RAPGEF5: variants seen among roughly 807,000 people sequenced by gnomAD.
The protein encoded by RAPGEF5 is Rap guanine nucleotide exchange factor 5.
A neutral mutation model predicts 125.2 loss-of-function variants in RAPGEF5; 65 were observed. The ratio of observed to expected loss-of-function variants is 0.52; its 90% CI spans 0.43 to 0.64. The LOEUF is 0.64. Ranked by LOEUF, RAPGEF5 falls within the 30% of genes least tolerant of loss-of-function variation. The pLI, the probability that RAPGEF5 is intolerant of heterozygous loss-of-function variation, is 0.00. For synonymous variants in RAPGEF5, 391 were observed against 385.9 expected (o/e 1.01, Z -0.16); for missense variants, 958 against 1,048.1 (o/e 0.91, Z 1.19).
intron 6 of RAPGEF5, among the ~76,000 whole-genome samples, chr7:22,267,860 T>C (rs1782321444): frequency 1.3e-5 from 2 of 151,934 alleles, no homozygotes; most frequent in Admixed American, 1.3e-4. Context: ...GAACTGGTGA[T>C]GATGGGTTTT....
chr7:22,315,528 G>T (rs1373270853), intron 2 of RAPGEF5, 52 bp from the exon 3 acceptor site: 1 of 1,229,306 alleles, frequency 8.1e-7, no homozygotes, highest in East Asian at 3.5e-5. Flanking sequence ...GTGACAATTT[G>T]TGAACTACCA....
intron 5 of RAPGEF5, among the ~76,000 whole-genome samples, chr7:22,297,384 G>A (rs1230709285): frequency 6.6e-6 from 1 of 152,138 alleles, no homozygotes; most frequent in Non-Finnish European, 1.5e-5. Context: ...TAAAACATGA[G>A]AAAGATAGTT....
chr7:22,169,695 TAAA>T (rs34238182), intron 11 of RAPGEF5, among the ~76,000 whole-genome samples: 3,397 of 127,088 alleles, frequency 0.027, 62 homozygotes, highest in Non-Finnish European at 0.04. Context: ...TCTCTACTGT[TAAA>T]AAAAAAAAAA....
At chr7:22,199,984 C>T (rs575620477) in intron 9 of RAPGEF5, among the ~76,000 whole-genome samples, 1 of 152,306 alleles carries the variant, frequency 6.6e-6, no homozygotes, top group South Asian at 2.1e-4. Flanking sequence ...CTTTCCAACA[C>T]AAAGATTCTA....
rs77685165 is a variant in RAPGEF5 at position 22,128,059 on chromosome 7, T to C, written c.2482-2401A>G. ...TCTCATTTTAAGCTCTGGCGTCACA[T>C]TGATTTCTATCATATGCCATTTGCG... On this transcript the variant is annotated intron_variant, in intron 24 of 25. Coordinates refer to ENST00000665637, the MANE Select transcript of RAPGEF5 (RefSeq NM_012294.5). Among the ~76,000 whole-genome samples the C allele has an allele frequency of 3.4e-3, 515 of 152,310 alleles. 5 individuals are homozygous for C. The highest frequency in any genetic ancestry group is 0.011 in the African/African-American group (457 of 41,572).
chr7:22,176,961 C>A (rs990768074), intron 11 of RAPGEF5, among the ~76,000 whole-genome samples: 16 of 152,158 alleles, frequency 1.1e-4, no homozygotes, highest in Non-Finnish European at 8.8e-5. Context: ...CAACCAGTGG[C>A]TGACAGGAGA....
chr7:22,186,156 C>T (rs549237236), intron 11 of RAPGEF5, among the ~76,000 whole-genome samples: 1 of 152,236 alleles, frequency 6.6e-6, no homozygotes, highest in East Asian at 1.9e-4. Context: ...CAGCCCAGTC[C>T]AGTTACTTGC....
chr7:22,307,590 C>G (rs999892016), intron 5 of RAPGEF5, among the ~76,000 whole-genome samples: 7 of 152,098 alleles, frequency 4.6e-5, no homozygotes, highest in Non-Finnish European at 8.8e-5. Context: ...AAGAGTTACC[C>G]TTGTTATGGT....
intron 1 of RAPGEF5, among the ~76,000 whole-genome samples, chr7:22,355,330 T>C (rs1167594397): frequency 6.6e-6 from 1 of 152,202 alleles, no homozygotes; most frequent in Non-Finnish European, 1.5e-5. Flanking sequence ...GATCTATTTA[T>C]ACAGAAACCC....
intron 23 of RAPGEF5, among the ~76,000 whole-genome samples, chr7:22,132,889 T>C (rs1481662782): frequency 6.6e-6 from 1 of 152,206 alleles, no homozygotes; most frequent in Non-Finnish European, 1.5e-5. Flanking sequence ...AGGACGTCTA[T>C]GGCTAACCCA....
intron 9 of RAPGEF5, among the ~76,000 whole-genome samples, chr7:22,213,240 G>C (rs1785551515): frequency 6.6e-6 from 1 of 152,184 alleles, no homozygotes; most frequent in African/African-American, 2.4e-5. Flanking sequence ...CAGACAGCAG[G>C]AGCACACCAC....
At chr7:22,264,980 T>C (rs905639098) in intron 7 of RAPGEF5, among the ~76,000 whole-genome samples, 2 of 152,154 alleles carry the variant, frequency 1.3e-5, no homozygotes, top group Admixed American at 1.3e-4. Context: ...ATCTTTTTTT[T>C]AGAGTTACTT....
At chr7:22,203,240 T>C (rs1316094608) in intron 9 of RAPGEF5, among the ~76,000 whole-genome samples, 2 of 151,954 alleles carry the variant, frequency 1.3e-5, no homozygotes, top group African/African-American at 4.8e-5. Flanking sequence ...GATGATGAAA[T>C]AGATCATTTT....
chr7:22,317,820 A>G (rs554063430), intron 2 of RAPGEF5, among the ~76,000 whole-genome samples, 167 bp downstream of exon 2: 2 of 152,226 alleles, frequency 1.3e-5, no homozygotes, highest in African/African-American at 4.8e-5. Context: ...CATCTCAAAC[A>G]CTTTTGCTGT....
chr7:22,166,116 T>C (rs1404316398), intron 12 of RAPGEF5, among the ~76,000 whole-genome samples: 2 of 148,954 alleles, frequency 1.3e-5, no homozygotes, highest in African/African-American at 4.9e-5. Context: ...ATTTTAGAGA[T>C]GGGGTCTCAC....
intron 10 of RAPGEF5, 138 bp from the exon 11 acceptor site, chr7:22,193,593 T>C (rs1785067224): frequency 6.4e-7 from 1 of 1,551,142 alleles, no homozygotes; most frequent in Non-Finnish European, 8.7e-7. Flanking sequence ...GCTCTCGGTC[T>C]GAGAGCGCCG....
chr7:22,331,062 G>C (rs575272329), intron 1 of RAPGEF5, among the ~76,000 whole-genome samples: 180 of 152,294 alleles, frequency 1.2e-3, no homozygotes, highest in Middle Eastern at 0.01. Flanking sequence ...TGAGTCCCGA[G>C]TGCCAACTCT....
rs1784438165 is a variant in RAPGEF5, at chr7:22,357,141, G to C, written c.-81C>G. On this transcript the variant is annotated 5_prime_UTR_variant, in exon 1 of 26. Transcript: ENST00000665637. Reference sequence around the variant, plus strand: ...GCCGTCCGCGCCTTCGCCAGGAAGCGAGAGGGCGCGACTGCGGCTCGGGCG... The same window carrying C: ...GCCGTCCGCGCCTTCGCCAGGAAGCCAGAGGGCGCGACTGCGGCTCGGGCG... 2 of 750,854 alleles carry C rather than the reference G, an allele frequency of 2.7e-6. No individual in the cohort carries two copies. The highest frequency in any genetic ancestry group is 3.3e-6 in the Non-Finnish European group (2 of 611,952). 46.5% of individuals were successfully genotyped at this position (750,854 alleles called of 1,614,324 possible).
chr7:22,245,711 C>T (rs1038498526), intron 7 of RAPGEF5, among the ~76,000 whole-genome samples: 1 of 152,054 alleles, frequency 6.6e-6, no homozygotes, highest in Non-Finnish European at 1.5e-5. Context: ...CTTAAAATAT[C>T]AACATAACAC....
Sources: gnomAD v4.1 joint callset for allele counts (sites outside exome capture counted in the v4.1 genomes callset) on GRCh38, gnomAD v4.1.1 for gene constraint, MANE v1.5 for transcripts, NCBI Gene and HGNC (gene_info 2026-07-23, HGNC 2026-07-21) for gene names.